DCC: variants seen among roughly 807,000 people sequenced by gnomAD.
DCC encodes the protein DCC netrin 1 receptor.
Under a neutral mutation model 172.5 loss-of-function variants are expected in DCC, and 58 were observed. The ratio of observed to expected loss-of-function variants is 0.34; its 90% CI spans 0.27 to 0.42. DCC has a LOEUF of 0.42. Among genes scored for constraint, DCC ranks in the 10% least tolerant of loss-of-function variants. DCC has a pLI of 1.00. For missense variants in DCC, 1,740 were observed against 1,791.0 expected (o/e 0.97, Z 0.51); for synonymous variants, 709 against 644.5 (o/e 1.10, Z -1.52).
intron 5 of DCC, among the ~76,000 whole-genome samples, chr18:52,932,151 A>AT (rs908343567): frequency 2.0e-4 from 31 of 152,196 alleles, no homozygotes; most frequent in African/African-American, 7.2e-4. Context: ...TGTATTATTT[A>AT]TTTTAAAACC....
intron 1 of DCC, among the ~76,000 whole-genome samples, chr18:52,537,455 C>T (rs565304367): frequency 6.6e-6 from 1 of 152,274 alleles, no homozygotes; most frequent in Non-Finnish European, 1.5e-5. Flanking sequence ...AAAGTAAACA[C>T]AGCGCCTGTT....
At chr18:53,355,666 T>G (rs1400668433) in intron 15 of DCC, among the ~76,000 whole-genome samples, 1 of 152,164 alleles carries the variant, frequency 6.6e-6, no homozygotes, top group East Asian at 1.9e-4. Context: ...TAAGGAGATT[T>G]GGGGCTGAGA....
At chr18:52,840,985 A>G (rs930585799) in intron 2 of DCC, among the ~76,000 whole-genome samples, 1 of 152,076 alleles carries the variant, frequency 6.6e-6, no homozygotes, top group African/African-American at 2.4e-5. Flanking sequence ...GCAGGAAAAT[A>G]TGATACAATG....
chr18:53,467,106 A>C (rs1190778162), intron 24 of DCC, among the ~76,000 whole-genome samples: 4 of 152,134 alleles, frequency 2.6e-5, no homozygotes, highest in African/African-American at 7.2e-5. Flanking sequence ...CCCTTTCGCA[A>C]AAGGAAAACA....
intron 5 of DCC, among the ~76,000 whole-genome samples, chr18:52,929,085 G>T (rs1447785555): frequency 6.6e-6 from 1 of 152,108 alleles, no homozygotes; most frequent in Non-Finnish European, 1.5e-5. Flanking sequence ...GAGTGGTGAG[G>T]TCAGAAGTCA....
chr18:53,079,237 T>C (rs952765015), intron 7 of DCC, among the ~76,000 whole-genome samples: 4 of 151,970 alleles, frequency 2.6e-5, no homozygotes, highest in African/African-American at 9.7e-5. Context: ...CATAAGTCTT[T>C]TGATCTCATG....
chr18:53,427,898 TATATATA>T (rs1321619271), intron 21 of DCC, among the ~76,000 whole-genome samples: 1 of 74,082 alleles, frequency 1.3e-5, no homozygotes. Context: ...TATAATAAAT[TATATATA>T]ATATATAATA....
intron 7 of DCC, among the ~76,000 whole-genome samples, chr18:53,084,516 A>T (rs2042851744): frequency 6.6e-6 from 1 of 152,134 alleles, no homozygotes; most frequent in Non-Finnish European, 1.5e-5. Flanking sequence ...CTGGTGGCTC[A>T]CTTGTTGGGA....
intron 15 of DCC, among the ~76,000 whole-genome samples, chr18:53,373,225 CCTTTGATTT>C (rs1272567415): frequency 6.6e-6 from 1 of 151,962 alleles, no homozygotes; most frequent in African/African-American, 2.4e-5. Flanking sequence ...GTCTTTTGTG[CCTTTGATTT>C]CTCTGGTTTC....
chr18:53,355,704 TGTCATCTGTGAACA>T (rs1350113457), intron 15 of DCC, among the ~76,000 whole-genome samples: 4 of 152,192 alleles, frequency 2.6e-5, no homozygotes, highest in Admixed American at 2.0e-4. Flanking sequence ...TATAAAATCA[TGTCATCTGTGAACA>T]GGGACAGTTT....
At chr18:53,328,549 G>GT (rs2057494387) in intron 14 of DCC, among the ~76,000 whole-genome samples, 1 of 151,954 alleles carries the variant, frequency 6.6e-6, no homozygotes, top group African/African-American at 2.4e-5. Context: ...TGCTGCTGCT[G>GT]TTTTAGACAG....
Position 53,352,426 on chromosome 18 carries a change from G to T in DCC, c.2359+12519G>T, listed in dbSNP as rs570914021. On this transcript the variant is annotated intron_variant, in intron 15 of 28. Coordinates refer to ENST00000442544, the MANE Select transcript of DCC (RefSeq NM_005215.4). ...TAATTATTTAGGATTGTTATGTCTT[G>T]TTGATGAATACTTTATCATTTATGA... 2.6e-5 allele frequency among the ~76,000 whole-genome samples: 4 copies of T among 152,102 alleles called. No individual in the cohort carries two copies. The East Asian group carries it at 7.7e-4, about 29-fold the overall frequency.
chr18:53,158,194 A>C (rs1015465410), intron 8 of DCC, among the ~76,000 whole-genome samples: 4 of 152,220 alleles, frequency 2.6e-5, no homozygotes, highest in Admixed American at 2.6e-4. Context: ...TTTGGCTAGC[A>C]TTAAATTAAG....
intron 5 of DCC, among the ~76,000 whole-genome samples, chr18:52,949,771 G>A (rs1191563509): frequency 6.6e-6 from 1 of 152,176 alleles, no homozygotes; most frequent in South Asian, 2.1e-4. Context: ...ATAACATCTT[G>A]GTGATAATAT....
chr18:52,761,655 C>G (rs913151117), intron 2 of DCC, among the ~76,000 whole-genome samples: 1 of 151,528 alleles, frequency 6.6e-6, no homozygotes, highest in Non-Finnish European at 1.5e-5. Flanking sequence ...CAAACCCATG[C>G]ACACACACAC....
At chr18:52,579,784 A>G (rs2033501214) in intron 1 of DCC, among the ~76,000 whole-genome samples, 1 of 152,238 alleles carries the variant, frequency 6.6e-6, no homozygotes, top group Admixed American at 6.5e-5. Context: ...TCTGGAAGCA[A>G]TTGAATTAAA....
intron 25 of DCC, among the ~76,000 whole-genome samples, chr18:53,472,519 A>G (rs2145192849): frequency 6.6e-6 from 1 of 152,304 alleles, no homozygotes; most frequent in Non-Finnish European, 1.5e-5. Context: ...TTTCTTCTCA[A>G]ACATTATTGT....
intron 2 of DCC, among the ~76,000 whole-genome samples, chr18:52,799,317 A>C (rs1183250075): frequency 1.3e-5 from 2 of 152,216 alleles, no homozygotes; most frequent in Non-Finnish European, 2.9e-5. Context: ...TTTGGGGAGT[A>C]ATATACTCCT....
At chr18:52,501,331 T>G (rs2031009897) in intron 1 of DCC, among the ~76,000 whole-genome samples, 1 of 152,144 alleles carries the variant, frequency 6.6e-6, no homozygotes, top group Non-Finnish European at 1.5e-5. Flanking sequence ...CAGAATCAAT[T>G]TACTGCAGGC....
Sources: gnomAD v4.1 joint callset for allele counts (sites outside exome capture counted in the v4.1 genomes callset) on GRCh38, gnomAD v4.1.1 for gene constraint, MANE v1.5 for transcripts, NCBI Gene and HGNC (gene_info 2026-07-23, HGNC 2026-07-21) for gene names.